Variants in TFPI2 observed in about 807,000 individuals in gnomAD.
TFPI2 encodes tissue factor pathway inhibitor 2.
In TFPI2, 23 loss-of-function variants were observed where a neutral mutation model predicts 23.1. The observed-to-expected ratio is 1.00, with a 90% CI of 0.72 to 1.41. TFPI2 has a LOEUF of 1.41. Ranked by LOEUF, TFPI2 falls within the 40% of genes most tolerant of loss-of-function variation. The pLI is 0.00. For synonymous variants in TFPI2, 119 were observed against 111.7 expected (o/e 1.07, Z -0.41); for missense variants, 291 against 299.6 (o/e 0.97, Z 0.21).
chr7:93,890,431 G>A, intron 1 of TFPI2, 112 bp from the exon 2 acceptor site: 1 of 1,437,226 alleles, frequency 7.0e-7, no homozygotes, highest in South Asian at 1.4e-5. Context: ...AGGGGCCTCT[G>A]CAGAGAAAGT....
intron 3 of TFPI2, among the ~76,000 whole-genome samples, chr7:93,888,522 AAAG>A (rs1246172329): frequency 1.5e-5 from 2 of 131,482 alleles, no homozygotes; most frequent in Admixed American, 1.6e-4. Context: ...GAAAAGAAAG[AAAG>A]AAGGAAGGAA....
chr7:93,890,329 G>C lies in TFPI2; in HGVS notation c.89-10C>G, dbSNP rs772024492. 1 of 1,597,910 alleles carries C rather than the reference G, an allele frequency of 6.3e-7. No homozygotes were observed. Reference sequence around the variant, plus strand: ...ATCTCCGCGTTATTTCCTGAAGAAGGGGCAGAAGGAGAGCAAAAGAGAGGG... The same window carrying C: ...ATCTCCGCGTTATTTCCTGAAGAAGCGGCAGAAGGAGAGCAAAAGAGAGGG... On this transcript the variant is annotated splice_polypyrimidine_tract_variant and intron_variant, in intron 1 of 4. Coordinates refer to ENST00000222543, the MANE Select transcript of TFPI2 (RefSeq NM_006528.4).
Position 93,885,653 on chromosome 7 carries a change from T to G in TFPI2, c.*1167A>C, listed in dbSNP as rs935876178. On this transcript the variant is annotated 3_prime_UTR_variant, in exon 5 of 5. Transcript: ENST00000222543. The stretch of plus-strand genomic sequence containing the variant: ...TATCCTGGGAGTCAGAAGATATGCA[T>G]ATATAGATATTTTGCTAACTCCTCA... The G allele has an allele frequency of 6.6e-6, 1 of 152,062 alleles. No homozygotes were observed. Among genetic ancestry groups the G allele is most frequent in the African/African-American group, 2.4e-5 (1 of 41,446 alleles). The allele number at this position is 152,062 out of a possible 1,614,324, so 9.4% of individuals were successfully genotyped here.
chr7:93,888,589 G>GAAAGAA (rs1554337287), intron 3 of TFPI2, among the ~76,000 whole-genome samples: 2 of 103,350 alleles, frequency 1.9e-5, no homozygotes, highest in East Asian at 3.3e-4. Flanking sequence ...AGGAAGGAAA[G>GAAAGAA]AGAAAGAAAG....
chr7:93,888,666 A>AG (rs1436147064), intron 3 of TFPI2, among the ~76,000 whole-genome samples: 102 of 77,522 alleles, frequency 1.3e-3, no homozygotes, highest in African/African-American at 2.9e-3. Context: ...AGAAAGAAGA[A>AG]AAAAAAAAAA....
intron 1 of TFPI2, 62 bp downstream of exon 1, chr7:93,890,529 C>T (rs986298874): frequency 1.4e-5 from 22 of 1,560,914 alleles, no homozygotes; most frequent in African/African-American, 4.1e-5. Flanking sequence ...TACACGGGGC[C>T]CCATGGCCCG....
At chr7:93,886,998 T>G (rs1375481506) in intron 4 of TFPI2, 102 bp from the exon 5 acceptor site, 1 of 927,596 alleles carries the variant, frequency 1.1e-6, no homozygotes, top group African/African-American at 1.7e-5. Context: ...TTCATCTTAT[T>G]TTTAAGGACT....
At chr7:93,887,143 T>C (rs1794008629) in intron 4 of TFPI2, 118 bp downstream of exon 4, 3 of 1,031,082 alleles carry the variant, frequency 2.9e-6, no homozygotes, top group Non-Finnish European at 1.4e-6. Flanking sequence ...GATACTTATG[T>C]AGAAGTAGTC....
chr7:93,890,532 A>T (rs1794113306), intron 1 of TFPI2, 59 bp downstream of exon 1: 1 of 1,565,764 alleles, frequency 6.4e-7, no homozygotes, highest in Admixed American at 1.9e-5. Context: ...ACGGGGCCCC[A>T]TGGCCCGCTG....
Position 93,890,209 on chromosome 7 carries a change from C to T in TFPI2, c.199G>A (p.Gly67Arg), listed in dbSNP as rs746215278. Residue 67 changes from glycine to arginine, a missense_variant, in exon 2 of 5, where the codon GGG (glycine) becomes AGG (arginine). Physicochemically the swap from Gly to Arg is moderately radical, Grantham distance 125 (BLOSUM62 -2). Transcript: ENST00000222543. ...TTGTTGGCGTTGCCCTCGCAGCCCCCGTACAGGAACTGGCGGCAGCTCTGC... is the reference window on the plus strand; with the variant it reads ...TTGTTGGCGTTGCCCTCGCAGCCCCTGTACAGGAACTGGCGGCAGCTCTGC... ...YTQSCRQFLYGGCEGNANNFY... is the reference protein window; with the variant it reads ...YTQSCRQFLYRGCEGNANNFY... The T allele has an allele frequency of 1.2e-6, 2 of 1,613,846 alleles. No homozygotes were observed. The highest frequency in any genetic ancestry group is 1.7e-6 in the Non-Finnish European group (2 of 1,179,822).
intron 1 of TFPI2, 31 bp downstream of exon 1, chr7:93,890,560 G>C: frequency 6.2e-7 from 1 of 1,606,870 alleles, no homozygotes; most frequent in Admixed American, 1.7e-5. Flanking sequence ...TCCGCCGGTT[G>C]GGGAGAGAAG....
chr7:93,888,588 A>AAGGAAG (rs1562778499), intron 3 of TFPI2, among the ~76,000 whole-genome samples: 1 of 58,622 alleles, frequency 1.7e-5, no homozygotes, highest in Non-Finnish European at 3.1e-5. Context: ...AAGGAAGGAA[A>AAGGAAG]GAGAAAGAAA....
rs986389588 is a variant in TFPI2 at position 93,885,513 on chromosome 7, C to T, written c.*1307G>A. 1 of 151,928 alleles carries T rather than the reference C, an allele frequency of 6.6e-6. No homozygotes were observed. 9.4% of individuals were successfully genotyped at this position (151,928 alleles called of 1,614,324 possible). ...AATATTATCTCCACAACTGTCCACCCCTCTGTTCTCTCCAAACCTCTATAG... is the reference window on the plus strand; with the variant it reads ...AATATTATCTCCACAACTGTCCACCTCTCTGTTCTCTCCAAACCTCTATAG... On this transcript the variant is annotated 3_prime_UTR_variant, in exon 5 of 5. Transcript: ENST00000222543.
chr7:93,888,578 AAGG>A (rs1794050942), intron 3 of TFPI2, among the ~76,000 whole-genome samples: 9 of 119,622 alleles, frequency 7.5e-5, no homozygotes, highest in South Asian at 2.6e-4. Flanking sequence ...GGAAGGAAGG[AAGG>A]AAGGAAAGAG....
chr7:93,890,585 A>G lies in TFPI2; in HGVS notation c.88+6T>C, dbSNP rs766598130. The G allele has an allele frequency of 1.9e-6, 3 of 1,612,964 alleles. No homozygotes were observed. In the South Asian group the frequency reaches 3.3e-5, roughly 18 times the overall value. On this transcript the variant is annotated splice_donor_region_variant and intron_variant, in intron 1 of 4. Coordinates refer to ENST00000222543, the MANE Select transcript of TFPI2 (RefSeq NM_006528.4). The stretch of plus-strand genomic sequence containing the variant: ...GGGGAGAGAAGCTCCTGGAGCGGCC[A>G]GATACCTGTTGGCTCCTGAGCAGCA...
chr7:93,887,163 C>T (rs1794009158), intron 4 of TFPI2, 98 bp downstream of exon 4: 15 of 1,226,850 alleles, frequency 1.2e-5, no homozygotes, highest in Non-Finnish European at 1.6e-5. Flanking sequence ...CTAGAAACAG[C>T]AATTTGCTAT....
rs1793987313 is a variant in TFPI2 at position 93,886,117 on chromosome 7, A to C, written c.*703T>G. The C allele has an allele frequency of 6.6e-6, 1 of 152,078 alleles. No homozygotes were observed. Among genetic ancestry groups the C allele is most frequent in the Admixed American group, 6.6e-5 (1 of 15,266 alleles). 9.4% of individuals were successfully genotyped at this position (152,078 alleles called of 1,614,324 possible). On this transcript the variant is annotated 3_prime_UTR_variant, in exon 5 of 5. Transcript: ENST00000222543. ...AGTGGTCTCCAACCCACAATGTCTT[A>C]GGAAATAATTTAACAATAGGAAAAC...
At position 93,890,195 on chromosome 7, in the gene TFPI2, G is replaced by GC; in HGVS notation, c.212dup (p.Asn72GlnfsTer36). 1.9e-6 allele frequency: 3 copies of GC among 1,613,440 alleles called. No individual in the cohort carries two copies. Among genetic ancestry groups the GC allele is most frequent in the Non-Finnish European group, 2.5e-6 (3 of 1,179,556 alleles). ...CCCAGGTGTAGAAATTGTTGGCGTT[G>GC]CCCTCGCAGCCCCCGTACAGGAACT... On this transcript the variant is annotated frameshift_variant, in exon 2 of 5. Transcript: ENST00000222543. LOFTEE classifies it high-confidence loss of function.
chr7:93,888,916 T>C (rs1000218731), intron 3 of TFPI2, 119 bp downstream of exon 3: 2 of 958,940 alleles, frequency 2.1e-6, no homozygotes, highest in East Asian at 2.6e-5. Context: ...AGTCACTAAC[T>C]TGTCAAGTAA....
Sources: allele counts gnomAD v4.1 joint callset (sites outside exome capture counted in the v4.1 genomes callset), GRCh38; gene constraint gnomAD v4.1.1; transcripts MANE v1.5; gene names NCBI Gene and HGNC (gene_info 2026-07-23, HGNC 2026-07-21).